Variants in ATF2 observed in about 807,000 individuals in gnomAD.
ATF2 encodes the protein activating transcription factor 2.
A neutral mutation model predicts 60.6 loss-of-function variants in ATF2; 24 were observed. The observed-to-expected ratio is 0.40, with a 90% CI of 0.29 to 0.56. The LOEUF is 0.56. Among genes scored for constraint, ATF2 ranks in the 20% least tolerant of loss-of-function variants. The probability of loss-of-function intolerance (pLI) is 0.54; values close to 1 mark genes in which losing one functional copy is unlikely to be tolerated. For synonymous variants in ATF2, 206 were observed against 215.4 expected, an observed-to-expected ratio of 0.96 and a Z score of 0.38; for missense variants, 433 against 607.7, an observed-to-expected ratio of 0.71 and a Z score of 3.02.
intron 9 of ATF2, among the ~76,000 whole-genome samples, chr2:175,113,286 A>G (rs1025690864): frequency 3.7e-5 from 5 of 136,950 alleles, no homozygotes; most frequent in African/African-American, 1.1e-4. Context: ...TTTTTTTTTG[A>G]CTTGGGGTCT....
chr2:175,143,107 T>C (rs1412979663), intron 2 of ATF2, among the ~76,000 whole-genome samples: 1 of 152,128 alleles, frequency 6.6e-6, no homozygotes, highest in African/African-American at 2.4e-5. Context: ...TAAGGCATTA[T>C]AAGGAACTTT....
At chr2:175,143,523 C>T (rs1698741341) in intron 2 of ATF2, among the ~76,000 whole-genome samples, 1 of 152,042 alleles carries the variant, frequency 6.6e-6, no homozygotes, top group African/African-American at 2.4e-5. Context: ...AGTGAAACTG[C>T]TATATCAAAG....
At chr2:175,100,778 CTT>C (rs1695259273) in intron 10 of ATF2, among the ~76,000 whole-genome samples, 1 of 152,170 alleles carries the variant, frequency 6.6e-6, no homozygotes, top group Admixed American at 6.5e-5. Flanking sequence ...GCCTTTGCCT[CTT>C]TTAAAACTTC....
chr2:175,148,386 A>G (rs908702441), intron 2 of ATF2, among the ~76,000 whole-genome samples: 2 of 150,538 alleles, frequency 1.3e-5, no homozygotes, highest in African/African-American at 5.0e-5. Flanking sequence ...AAGAGGAGAC[A>G]GCATGTTGAG....
chr2:175,107,993 T>A (rs1256595432), intron 10 of ATF2, among the ~76,000 whole-genome samples: 3 of 151,998 alleles, frequency 2.0e-5, no homozygotes, highest in Admixed American at 2.0e-4. Context: ...CGCCACCCCG[T>A]CTGGGAAGTG....
chr2:175,165,355 A>T (rs936980484), intron 1 of ATF2, among the ~76,000 whole-genome samples: 3 of 152,352 alleles, frequency 2.0e-5, no homozygotes, highest in South Asian at 4.1e-4. Context: ...ACTTATAGGT[A>T]TATTTCATAT....
chr2:175,122,687 C>T lies in ATF2; in HGVS notation c.103-1147G>A, dbSNP rs116480230. ...TCATCTCATGTGTGCGGCACAATGC[C>T]TTGGTTATAGCACCTATCATATTTT... On this transcript the variant is annotated intron_variant, in intron 4 of 13. Transcript: ENST00000264110. Among the ~76,000 whole-genome samples, 1,014 of 152,096 alleles carry T rather than the reference C, an allele frequency of 6.7e-3. 11 individuals carry two copies. The highest frequency in any genetic ancestry group is 0.023 in the African/African-American group (955 of 41,502).
chr2:175,120,428 C>G (rs549358084), intron 5 of ATF2, among the ~76,000 whole-genome samples: 8 of 151,716 alleles, frequency 5.3e-5, no homozygotes, highest in Non-Finnish European at 1.0e-4. Context: ...GATAAATTAA[C>G]TTTGTTACCT....
At chr2:175,112,184 AAC>A (rs1361721086) in intron 9 of ATF2, among the ~76,000 whole-genome samples, 5 of 152,218 alleles carry the variant, frequency 3.3e-5, no homozygotes, top group Non-Finnish European at 7.3e-5. Context: ...ACACTGAGTG[AAC>A]ACAGTTACTG....
intron 1 of ATF2, among the ~76,000 whole-genome samples, chr2:175,163,204 C>T (rs758452411): frequency 7.3e-5 from 11 of 150,386 alleles, no homozygotes; most frequent in South Asian, 2.1e-4. Context: ...CATACTAGCC[C>T]GAACAGTAAA....
intron 13 of ATF2, among the ~76,000 whole-genome samples, chr2:175,079,514 C>G (rs1375162115): frequency 6.6e-6 from 1 of 152,004 alleles, no homozygotes; most frequent in East Asian, 1.9e-4. Flanking sequence ...ATGTGTTTCA[C>G]CATCCTGTCA....
intron 4 of ATF2, among the ~76,000 whole-genome samples, chr2:175,121,882 CTA>C (rs1362699765): frequency 1.3e-5 from 2 of 151,778 alleles, no homozygotes; most frequent in African/African-American, 4.8e-5. Context: ...ATAGTAGAAA[CTA>C]TACTCCATGG....
intron 10 of ATF2, among the ~76,000 whole-genome samples, chr2:175,108,165 G>A (rs1476473143): frequency 2.7e-5 from 4 of 150,796 alleles, no homozygotes; most frequent in African/African-American, 9.8e-5. Flanking sequence ...TGTGGGGAGC[G>A]CCTCTGCCCG....
intron 1 of ATF2, among the ~76,000 whole-genome samples, chr2:175,166,759 T>C (rs1226136359): frequency 6.6e-6 from 1 of 152,208 alleles, no homozygotes; most frequent in East Asian, 1.9e-4. Flanking sequence ...TTTCTTCAAA[T>C]AGGACAAAAA....
intron 13 of ATF2, chr2:175,080,391 A>T: frequency 4.3e-6 from 1 of 230,334 alleles, no homozygotes; most frequent in Non-Finnish European, 8.3e-6. Context: ...ATCATCAAGT[A>T]CTTACAGTAT....
At chr2:175,125,339 G>T (rs1697256946) in intron 4 of ATF2, among the ~76,000 whole-genome samples, 1 of 151,950 alleles carries the variant, frequency 6.6e-6, no homozygotes, top group South Asian at 2.1e-4. Flanking sequence ...TTAACAAATG[G>T]ATGAGTAGCC....
chr2:175,088,019 G>A (rs924235215), intron 12 of ATF2, among the ~76,000 whole-genome samples: 2 of 152,096 alleles, frequency 1.3e-5, no homozygotes, highest in Non-Finnish European at 2.9e-5. Context: ...GATGCATAAT[G>A]ACAGAATGAA....
At chr2:175,084,573 A>G (rs1349080355) in intron 12 of ATF2, among the ~76,000 whole-genome samples, 1 of 151,020 alleles carries the variant, frequency 6.6e-6, no homozygotes, top group Non-Finnish European at 1.5e-5. Flanking sequence ...ACAGCACACC[A>G]GCATGGCACA....
intron 12 of ATF2, among the ~76,000 whole-genome samples, chr2:175,086,649 T>C (rs979776393): frequency 6.6e-6 from 1 of 152,138 alleles, no homozygotes; most frequent in Admixed American, 6.6e-5. Flanking sequence ...CCTCAAGTGA[T>C]CTACCTGCCT....
Sources: gnomAD v4.1 joint callset for allele counts (sites outside exome capture counted in the v4.1 genomes callset) on GRCh38, gnomAD v4.1.1 for gene constraint, MANE v1.5 for transcripts, NCBI Gene and HGNC (gene_info 2026-07-23, HGNC 2026-07-21) for gene names.